The following RAPGEF1 variants were observed in gnomAD, a reference collection of about 807,000 sequenced individuals.
RAPGEF1 encodes the protein CRK SH3-binding GNRP.
Under a neutral mutation model 143.3 loss-of-function variants are expected in RAPGEF1, and 33 were observed. The observed-to-expected ratio is 0.23, with a 90% CI of 0.17 to 0.31. The LOEUF is 0.31. Ranked by LOEUF, RAPGEF1 falls within the 10% of genes least tolerant of loss-of-function variation. The pLI, the probability that RAPGEF1 is intolerant of heterozygous loss-of-function variation, is 1.00. For missense variants in RAPGEF1, 1,199 were observed against 1,645.4 expected, an observed-to-expected ratio of 0.73 and a Z score of 4.69; for synonymous variants, 629 against 676.5, an observed-to-expected ratio of 0.93 and a Z score of 1.09.
At chr9:131,642,718 C>T (rs7864825) in intron 4 of RAPGEF1, among the ~76,000 whole-genome samples, 2,035 of 152,250 alleles carry the variant, frequency 0.013, 51 homozygotes, top group African/African-American at 0.047. Flanking sequence ...TGTGTAACCC[C>T]CAAGGTCTAA....
intron 1 of RAPGEF1, among the ~76,000 whole-genome samples, chr9:131,700,581 C>A (rs1303019526): frequency 6.6e-6 from 1 of 152,188 alleles, no homozygotes; most frequent in African/African-American, 2.4e-5. Context: ...GATGAATGAA[C>A]ATCCAATCAA....
At chr9:131,649,200 ATTTTTTTTT>A (rs55813422) in intron 3 of RAPGEF1, among the ~76,000 whole-genome samples, 44 of 87,252 alleles carry the variant, frequency 5.0e-4, no homozygotes, top group South Asian at 3.3e-3. Flanking sequence ...GCCTGGCTAA[ATTTTTTTTT>A]TTTTTTTTTT....
At chr9:131,676,082 T>G (rs552670120) in intron 1 of RAPGEF1, among the ~76,000 whole-genome samples, 1 of 152,222 alleles carries the variant, frequency 6.6e-6, no homozygotes, top group African/African-American at 2.4e-5. Flanking sequence ...ATAAAGTGCC[T>G]TCCTTAAGTG....
At chr9:131,697,211 C>T (rs914911713) in intron 1 of RAPGEF1, among the ~76,000 whole-genome samples, 11 of 143,058 alleles carry the variant, frequency 7.7e-5, no homozygotes, top group Non-Finnish European at 1.1e-4. Context: ...CTCCCTTCCT[C>T]ACACTCAGCT....
At chr9:131,661,243 C>T (rs7049000) in intron 1 of RAPGEF1, among the ~76,000 whole-genome samples, 3,702 of 152,308 alleles carry the variant, frequency 0.024, 152 homozygotes, top group African/African-American at 0.084. Flanking sequence ...ACGGGTGAAC[C>T]GTGGCACCGT....
At chr9:131,637,109 C>T (rs1966568257) in intron 5 of RAPGEF1, among the ~76,000 whole-genome samples, 1 of 152,024 alleles carries the variant, frequency 6.6e-6, no homozygotes, top group Non-Finnish European at 1.5e-5. Context: ...CCTGTAATCC[C>T]AGCATCTCGG....
chr9:131,588,920 A>G lies in RAPGEF1; in HGVS notation c.2934T>C (p.Asn978=), dbSNP rs1294690463. The G allele has an allele frequency of 6.2e-7, 1 of 1,613,744 alleles. No individual in the cohort carries two copies. Among genetic ancestry groups the G allele is most frequent in the Non-Finnish European group, 8.5e-7 (1 of 1,179,846 alleles). Residue 978 remains asparagine, a synonymous_variant, in exon 20 of 27, where the codon AAT becomes AAC. Transcript: ENST00000683357. ...LMELVFRLVC[N]GELSLARVLR... ...GCACACGGGCCAGGCTCAGCTCCCC[A>G]TTGCACACCAGGCGGAAGACCAGTT... is the stretch of plus-strand genomic sequence containing the variant.
At chr9:131,648,154 A>G (rs1320093707) in intron 3 of RAPGEF1, among the ~76,000 whole-genome samples, 2 of 152,070 alleles carry the variant, frequency 1.3e-5, no homozygotes, top group African/African-American at 4.8e-5. Context: ...CTTTGAGAGG[A>G]TGAGGCGGGC....
chr9:131,738,596 C>T (rs528207189), intron 1 of RAPGEF1, among the ~76,000 whole-genome samples: 5 of 152,260 alleles, frequency 3.3e-5, no homozygotes, highest in South Asian at 2.1e-4. Flanking sequence ...TCTGGACAGC[C>T]GGAACTCACT....
chr9:131,703,959 G>A (rs1349712773), intron 1 of RAPGEF1, among the ~76,000 whole-genome samples: 1 of 152,068 alleles, frequency 6.6e-6, no homozygotes, highest in Non-Finnish European at 1.5e-5. Flanking sequence ...GTAAATCCAG[G>A]GTTCTCTTTA....
chr9:131,710,564 A>G (rs1317038305), intron 1 of RAPGEF1, among the ~76,000 whole-genome samples: 1 of 152,180 alleles, frequency 6.6e-6, no homozygotes, highest in South Asian at 2.1e-4. Flanking sequence ...AAAAGCCCCT[A>G]AAGAATCCCC....
intron 16 of RAPGEF1, among the ~76,000 whole-genome samples, chr9:131,596,638 C>A (rs1047297019): frequency 6.6e-6 from 1 of 152,152 alleles, no homozygotes; most frequent in Non-Finnish European, 1.5e-5. Flanking sequence ...ACCAAGGCAC[C>A]AGGGCATGCC....
intron 20 of RAPGEF1, among the ~76,000 whole-genome samples, chr9:131,588,338 G>A (rs751651760): frequency 1.3e-5 from 2 of 152,210 alleles, no homozygotes; most frequent in South Asian, 4.1e-4. Flanking sequence ...CTCACGGCTG[G>A]AGCCCACTTC....
intron 1 of RAPGEF1, among the ~76,000 whole-genome samples, chr9:131,726,642 A>G (rs1268022962): frequency 7.0e-6 from 1 of 142,210 alleles, no homozygotes; most frequent in Non-Finnish European, 1.6e-5. Context: ...AAAAAAAAGA[A>G]AGGAAGCAGA....
intron 1 of RAPGEF1, among the ~76,000 whole-genome samples, chr9:131,676,929 TG>T (rs1832442293): frequency 6.6e-6 from 1 of 152,078 alleles, no homozygotes; most frequent in Non-Finnish European, 1.5e-5. Context: ...GCAGACACTC[TG>T]GGGGTAGGCC....
chr9:131,630,423 C>T (rs1964531513), intron 5 of RAPGEF1, 99 bp from the exon 6 acceptor site: 1 of 1,152,732 alleles, frequency 8.7e-7, no homozygotes. Context: ...TGCTGAGTCT[C>T]ATTTCTGTGC....
At chr9:131,679,905 AG>A (rs909252159) in intron 1 of RAPGEF1, among the ~76,000 whole-genome samples, 1 of 152,248 alleles carries the variant, frequency 6.6e-6, no homozygotes, top group African/African-American at 2.4e-5. Flanking sequence ...AAGAGGAGTT[AG>A]AAGTGGGAAG....
intron 9 of RAPGEF1, 83 bp from the exon 10 acceptor site, chr9:131,626,505 G>A (rs1963119102): frequency 6.4e-6 from 9 of 1,413,120 alleles, no homozygotes; most frequent in South Asian, 1.4e-5. Flanking sequence ...GCCTCTCGCC[G>A]GCTCGCTCAT....
chr9:131,657,549 G>T (rs1972810053), intron 1 of RAPGEF1, among the ~76,000 whole-genome samples: 1 of 152,170 alleles, frequency 6.6e-6, no homozygotes, highest in Admixed American at 6.5e-5. Context: ...CCCACCATCT[G>T]GCCTAGCAAA....
Sources: allele counts gnomAD v4.1 joint callset (sites outside exome capture counted in the v4.1 genomes callset), GRCh38; gene constraint gnomAD v4.1.1; transcripts MANE v1.5; gene names NCBI Gene and HGNC (gene_info 2026-07-23, HGNC 2026-07-21).